The following PRAMEF15 variants were observed in gnomAD, a reference collection of about 807,000 sequenced individuals.
The protein encoded by PRAMEF15 is PRAME family member 15.
Under a neutral mutation model 35.3 loss-of-function variants are expected in PRAMEF15, and 21 were observed. The observed-to-expected ratio is 0.59, with a 90% CI of 0.42 to 0.86. The LOEUF (loss-of-function observed/expected upper bound fraction) is 0.86, where lower values mean the gene tolerates loss of function less well. PRAMEF15 is among the 40% of genes least tolerant of loss of function. The pLI is 0.00. For synonymous variants in PRAMEF15, 122 were observed against 223.3 expected (o/e 0.55, Z 4.05); for missense variants, 360 against 574.1 (o/e 0.63, Z 3.81).
At chr1:13,315,736 C>A (rs1207968245) in intron 1 of PRAMEF15, 78 bp downstream of exon 1, 1 of 150,300 alleles carries the variant, frequency 6.7e-6, no homozygotes, top group African/African-American at 2.5e-5. Context: ...GTGCAGCCTA[C>A]GATGGCACAG....
intron 3 of PRAMEF15, 118 bp downstream of exon 3, chr1:13,320,071 A>G: frequency 6.3e-7 from 1 of 1,580,816 alleles, no homozygotes; most frequent in Non-Finnish European, 8.6e-7. Context: ...GGACACTAGA[A>G]TGTCCATGCA....
At position 13,321,976 on chromosome 1, in the gene PRAMEF15, C is replaced by T. The variant is rs79874173; in HGVS notation, c.1149C>T (p.Asn383=). 66 of 1,610,830 alleles carry T rather than the reference C, an allele frequency of 4.1e-5. 2 individuals are homozygous for T. The highest frequency in any genetic ancestry group is 1.0e-4 in the Admixed American group (6 of 59,874). ...CCCTGAGCCGCTGCTTTGAGCTCAA[C>T]ACCTTCAGCTTCTGTGGAAATCCCA... ...LPALSRCFEL[N]TFSFCGNPIC... The change falls in exon 4 of 4, where the codon AAC becomes AAT. Residue 383 remains asparagine (N), a synonymous_variant. Transcript: ENST00000376152.
At chr1:13,315,998 C>T (rs1278119480) in intron 1 of PRAMEF15, among the ~76,000 whole-genome samples, 3 of 150,772 alleles carry the variant, frequency 2.0e-5, no homozygotes, top group East Asian at 3.9e-4. Flanking sequence ...CTCCTCTGCA[C>T]AACGTTTTTT....
At chr1:13,319,183 G>T (rs1407161670) in intron 2 of PRAMEF15, among the ~76,000 whole-genome samples, 189 bp from the exon 3 acceptor site, 1 of 144,270 alleles carries the variant, frequency 6.9e-6, no homozygotes, top group Non-Finnish European at 1.5e-5. Context: ...GACACAGGGA[G>T]ACTTGGTCTC....
rs1458507562 is a variant in PRAMEF15 at position 13,320,065 on chromosome 1, ACTAGAATGTC to A, written c.875+114_875+123del. ...ATGAGGATGAAACAGTGAAGAGGAC[ACTAGAATGTC>A]CATGCATTGTCCTGTTGGTGGCCCT... On this transcript the variant is annotated intron_variant, in intron 3 of 3. Transcript: ENST00000376152. 1.3e-5 allele frequency: 20 copies of A among 1,590,212 alleles called. No homozygotes were observed. In the African/African-American group the frequency reaches 2.7e-4, roughly 21 times the overall value.
rs1640019220 is a variant in PRAMEF15 at position 13,317,367 on chromosome 1, G to A, written c.-16-1025G>A. ...TTACAGGTGTGAGTCACTGCACCCA[G>A]CCAAAATGGTTCAGTTTGAACATGT... On this transcript the variant is annotated intron_variant, in intron 1 of 3. Transcript: ENST00000376152. Among the ~76,000 whole-genome samples, 3 of 151,870 alleles carry A rather than the reference G, an allele frequency of 2.0e-5. 1 individual carries two copies. Among genetic ancestry groups the A allele is most frequent in the Non-Finnish European group, 1.5e-5 (1 of 67,990 alleles).
chr1:13,318,230 G>A (rs1259133016), intron 1 of PRAMEF15, among the ~76,000 whole-genome samples, 162 bp from the exon 2 acceptor site: 4 of 152,128 alleles, frequency 2.6e-5, no homozygotes, highest in African/African-American at 9.7e-5. Flanking sequence ...TGCAGCAGAG[G>A]CAGAATGCTG....
intron 2 of PRAMEF15, 62 bp from the exon 3 acceptor site, chr1:13,319,310 T>C (rs1188173970): frequency 1.9e-6 from 3 of 1,599,174 alleles, no homozygotes; most frequent in Admixed American, 1.7e-5. Context: ...CTATCCAGGA[T>C]GTGGAGTTTA....
chr1:13,319,951 C>T lies in PRAMEF15; in HGVS notation c.873C>T (p.Leu291=). The change falls in exon 3 of 4, where the codon CTC becomes CTT. Residue 291 remains leucine (L), a splice_region_variant and synonymous_variant. Transcript: ENST00000376152. ...SFLEGHLDQL[L]SCLKTSLKVL... ...TCGAAGGCCACCTGGACCAGCTGCT[C>T]AGGTGAGGGAGGATGGTGAGCTTTC... The T allele has an allele frequency of 6.2e-7, 1 of 1,610,712 alleles. No homozygotes were observed. The highest frequency in any genetic ancestry group is 8.5e-7 in the Non-Finnish European group (1 of 1,179,562).
At chr1:13,320,070 A>T (rs1241683665) in intron 3 of PRAMEF15, 117 bp downstream of exon 3, 2 of 1,586,270 alleles carry the variant, frequency 1.3e-6, no homozygotes, top group African/African-American at 2.7e-5. Flanking sequence ...AGGACACTAG[A>T]ATGTCCATGC....
chr1:13,317,764 A>G (rs1640025299), intron 1 of PRAMEF15, among the ~76,000 whole-genome samples: 1 of 151,358 alleles, frequency 6.6e-6, no homozygotes, highest in African/African-American at 2.4e-5. Context: ...TGACAGAGCA[A>G]GACTCTGTCA....
At position 13,321,888 on chromosome 1, in the gene PRAMEF15, T is replaced by C; in HGVS notation, c.1061T>C (p.Leu354Pro). The change falls in exon 4 of 4, where the codon CTT becomes CCT. Residue 354 changes from leucine to proline, a missense_variant. Physicochemically the swap from Leu to Pro is moderately conservative, Grantham distance 98. Around this residue, in one of 8 missense-constraint regions of PRAMEF15, gnomAD observed 72 missense variants for 79.9 expected, o/e 0.90. Coordinates refer to ENST00000376152, the MANE Select transcript of PRAMEF15 (RefSeq NM_001098376.3). Reference sequence around the variant, plus strand: ...CTCCTAGAAAAAGTTGCAGCCACCCTTGAGTACCTGGATTTAGATGACTGT... The same window carrying C: ...CTCCTAGAAAAAGTTGCAGCCACCCCTGAGTACCTGGATTTAGATGACTGT... ...QILLEKVAATLEYLDLDDCGI... is the reference protein window; with the variant it reads ...QILLEKVAATPEYLDLDDCGI... 6.2e-7 allele frequency: 1 copy of C among 1,611,356 alleles called. No individual in the cohort carries two copies. The highest frequency in any genetic ancestry group is 8.5e-7 in the Non-Finnish European group (1 of 1,179,292).
At chr1:13,319,223 A>G in intron 2 of PRAMEF15, 149 bp from the exon 3 acceptor site, 1 of 1,367,530 alleles carries the variant, frequency 7.3e-7, no homozygotes, top group Non-Finnish European at 9.9e-7. Flanking sequence ...ACAATGTGGA[A>G]GTGGGCAGGA....
At chr1:13,320,076 C>G (rs1239294032) in intron 3 of PRAMEF15, 123 bp downstream of exon 3, 1 of 1,578,462 alleles carries the variant, frequency 6.3e-7, no homozygotes, top group South Asian at 1.1e-5. Context: ...CTAGAATGTC[C>G]ATGCATTGTC....
chr1:13,321,615 C>G, intron 3 of PRAMEF15, 88 bp from the exon 4 acceptor site: 1 of 1,317,104 alleles, frequency 7.6e-7, no homozygotes, highest in South Asian at 1.2e-5. Context: ...GCAAAAAGGT[C>G]TCCATCCATT....
chr1:13,320,339 G>C (rs1640067559), intron 3 of PRAMEF15, among the ~76,000 whole-genome samples: 2 of 151,950 alleles, frequency 1.3e-5, no homozygotes. Context: ...CAAGAGGATA[G>C]CTTGAGCCTA....
chr1:13,321,003 T>A (rs1553166570), intron 3 of PRAMEF15, among the ~76,000 whole-genome samples: 791 of 143,658 alleles, frequency 5.5e-3, no homozygotes, highest in East Asian at 0.029. Context: ...TACAGGCATG[T>A]CAGGGATGCC....
Position 13,321,874 on chromosome 1 carries a change from A to G in PRAMEF15, c.1047A>G (p.Lys349=), listed in dbSNP as rs1351076565. The part of the protein sequence containing the change: ...SLVPLQILLE[K]VAATLEYLDL... ...TGCCTCTCCAAATTCTCCTAGAAAAAGTTGCAGCCACCCTTGAGTACCTGG... is the reference window on the plus strand; with the variant it reads ...TGCCTCTCCAAATTCTCCTAGAAAAGGTTGCAGCCACCCTTGAGTACCTGG... Residue 349 remains lysine, a synonymous_variant, in exon 4 of 4, where the codon AAA becomes AAG. Coordinates refer to ENST00000376152, the MANE Select transcript of PRAMEF15 (RefSeq NM_001098376.3). 2.9e-5 allele frequency: 46 copies of G among 1,608,666 alleles called. 1 individual carries two copies. Among genetic ancestry groups the G allele is most frequent in the Non-Finnish European group, 3.8e-5 (45 of 1,177,754 alleles).
chr1:13,317,146 T>C (rs77523836), intron 1 of PRAMEF15, among the ~76,000 whole-genome samples: 9 of 151,654 alleles, frequency 5.9e-5, no homozygotes, highest in African/African-American at 1.9e-4. Flanking sequence ...GTCAGCTCAC[T>C]GCAACTTCTG....
Sources: gnomAD v4.1 joint callset for allele counts (sites outside exome capture counted in the v4.1 genomes callset) on GRCh38, gnomAD v4.1.1 for gene constraint, gnomAD v4.1.1 regional missense constraint, MANE v1.5 for transcripts, NCBI Gene and HGNC (gene_info 2026-07-23, HGNC 2026-07-21) for gene names.